FRMD4B: variants seen among roughly 807,000 people sequenced by gnomAD.
FRMD4B encodes FERM domain containing 4B.
In FRMD4B, 74 loss-of-function variants were observed where a neutral mutation model predicts 141.5. The ratio of observed to expected loss-of-function variants is 0.52; its 90% CI spans 0.43 to 0.63. FRMD4B has a LOEUF of 0.63. Among genes scored for constraint, FRMD4B ranks in the 30% least tolerant of loss-of-function variants. The pLI, the probability that FRMD4B is intolerant of heterozygous loss-of-function variation, is 0.00. For missense variants in FRMD4B, 1,366 were observed against 1,253.4 expected (o/e 1.09, Z -1.36); for synonymous variants, 506 against 467.9 (o/e 1.08, Z -1.05).
intron 7 of FRMD4B, among the ~76,000 whole-genome samples, chr3:69,245,664 CTTT>C (rs71115668): frequency 1.1e-4 from 11 of 102,466 alleles, no homozygotes; most frequent in African/African-American, 7.0e-5. Flanking sequence ...ATTTTCTTTT[CTTT>C]TTTTTTTTTT....
intron 5 of FRMD4B, among the ~76,000 whole-genome samples, chr3:69,265,270 ATATAT>A (rs1477379477): frequency 5.9e-4 from 12 of 20,234 alleles, no homozygotes; most frequent in African/African-American, 1.4e-3. Context: ...AAAAAAAAAA[ATATAT>A]ATATATATAT....
intron 1 of FRMD4B, among the ~76,000 whole-genome samples, chr3:69,444,912 T>C (rs969288610): frequency 6.6e-5 from 10 of 152,200 alleles, no homozygotes; most frequent in African/African-American, 2.4e-4. Flanking sequence ...CAAAATCTCA[T>C]ACCACGTGGA....
chr3:69,537,474 T>C (rs187499456), intron 1 of FRMD4B, among the ~76,000 whole-genome samples: 2 of 152,322 alleles, frequency 1.3e-5, no homozygotes, highest in Non-Finnish European at 2.9e-5. Flanking sequence ...TTTCACTAGA[T>C]TAGCATGGCA....
At chr3:69,258,889 G>C (rs2093509174) in intron 5 of FRMD4B, among the ~76,000 whole-genome samples, 1 of 152,132 alleles carries the variant, frequency 6.6e-6, no homozygotes, top group Non-Finnish European at 1.5e-5. Flanking sequence ...AGAAGATAAT[G>C]TTAACTTTAC....
chr3:69,315,810 G>T (rs949764767), intron 1 of FRMD4B, among the ~76,000 whole-genome samples: 1 of 152,186 alleles, frequency 6.6e-6, no homozygotes, highest in Non-Finnish European at 1.5e-5. Flanking sequence ...GAATTGCTAG[G>T]TCACTTTTGA....
At chr3:69,421,604 C>A (rs1704979446) in intron 2 of FRMD4B, among the ~76,000 whole-genome samples, 1 of 152,176 alleles carries the variant, frequency 6.6e-6, no homozygotes, top group Non-Finnish European at 1.5e-5. Context: ...TCTAGATGTG[C>A]CTTGTCCCAT....
intron 4 of FRMD4B, among the ~76,000 whole-genome samples, chr3:69,295,698 A>G (rs1013185926): frequency 3.9e-5 from 6 of 152,186 alleles, no homozygotes; most frequent in Admixed American, 1.3e-4. Context: ...TCCCTACTAC[A>G]AAGAATGGCC....
Position 69,196,878 on chromosome 3 carries a change from A to T in FRMD4B, c.1092+22T>A, listed in dbSNP as rs2092911925. On this transcript the variant is annotated intron_variant, in intron 13 of 22. Coordinates refer to ENST00000398540, the MANE Select transcript of FRMD4B (RefSeq NM_015123.3). Reference sequence around the variant, plus strand: ...ATGCAAAAGGGGAATCTGTCCCTATAGAAATGATGCCAGTTACTTACTTTG... The same window carrying T: ...ATGCAAAAGGGGAATCTGTCCCTATTGAAATGATGCCAGTTACTTACTTTG... 2.5e-6 allele frequency: 4 copies of T among 1,583,872 alleles called. No individual in the cohort carries two copies. The East Asian group carries it at 8.9e-5, about 35-fold the overall frequency.
At chr3:69,442,392 A>G (rs1220701097) in intron 1 of FRMD4B, among the ~76,000 whole-genome samples, 1 of 152,024 alleles carries the variant, frequency 6.6e-6, no homozygotes, top group Non-Finnish European at 1.5e-5. Context: ...AATAAGTTTT[A>G]TTCTATTGAA....
intron 1 of FRMD4B, among the ~76,000 whole-genome samples, chr3:69,443,911 T>G (rs1344926224): frequency 6.6e-6 from 1 of 152,224 alleles, no homozygotes; most frequent in East Asian, 1.9e-4. Flanking sequence ...GCTCACAAGA[T>G]CTGTAACTTC....
At chr3:69,290,562 GCTTT>G (rs1700840474) in intron 4 of FRMD4B, among the ~76,000 whole-genome samples, 1 of 152,108 alleles carries the variant, frequency 6.6e-6, no homozygotes, top group Admixed American at 6.5e-5. Flanking sequence ...TGCTTTCTTG[GCTTT>G]CCCATGCATT....
chr3:69,180,852 C>T (rs574359033), intron 21 of FRMD4B, 47 bp downstream of exon 21: 8 of 1,352,080 alleles, frequency 5.9e-6, no homozygotes, highest in African/African-American at 2.9e-5. Context: ...GCAGGAAACA[C>T]GATGTAAATA....
At chr3:69,186,521 G>A (rs2092769599) in intron 19 of FRMD4B, among the ~76,000 whole-genome samples, 1 of 152,094 alleles carries the variant, frequency 6.6e-6, no homozygotes, top group Admixed American at 6.5e-5. Context: ...AGACCAGCCT[G>A]GCCAACATGG....
chr3:69,273,234 G>C (rs1330862613), intron 5 of FRMD4B, among the ~76,000 whole-genome samples: 1 of 152,176 alleles, frequency 6.6e-6, no homozygotes, highest in African/African-American at 2.4e-5. Flanking sequence ...CTCTCCTGGA[G>C]GCAATCAAAA....
At chr3:69,421,903 C>T (rs768950960) in intron 2 of FRMD4B, among the ~76,000 whole-genome samples, 5 of 152,120 alleles carry the variant, frequency 3.3e-5, no homozygotes, top group South Asian at 2.1e-4. Context: ...TAGGAAACAA[C>T]GCTACTGGAA....
At position 69,187,851 on chromosome 3, in the gene FRMD4B, G is replaced by C; in HGVS notation, c.1838C>G (p.Pro613Arg). The part of the protein sequence containing the change: ...SSVPHSPRIL[P>R]PKSLGIERIH... ...TCGCTCAATACCAAGAGACTTGGGG[G>C]GAAGAATTCTTGGAGAATGAGGTAC... Residue 613 changes from proline (P) to arginine (R), a missense_variant, in exon 19 of 23, where the codon CCC becomes CGC. By Grantham distance (103) the Pro-to-Arg change is moderately radical. Transcript: ENST00000398540. 6.2e-7 allele frequency: 1 copy of C among 1,610,590 alleles called. No homozygotes were observed. Among genetic ancestry groups the C allele is most frequent in the Non-Finnish European group, 8.5e-7 (1 of 1,177,594 alleles).
chr3:69,433,658 A>AT (rs1705214403), intron 1 of FRMD4B, among the ~76,000 whole-genome samples: 1 of 152,210 alleles, frequency 6.6e-6, no homozygotes, highest in Admixed American at 6.5e-5. Flanking sequence ...GAACAAAGTC[A>AT]TTTTTCTAGC....
intron 1 of FRMD4B, among the ~76,000 whole-genome samples, chr3:69,481,333 G>C (rs1038945196): frequency 2.6e-5 from 4 of 152,124 alleles, no homozygotes; most frequent in Middle Eastern, 3.2e-3. Context: ...GACCGGAGCT[G>C]TTCCTATTCG....
chr3:69,178,679 G>GA (rs11294141), intron 21 of FRMD4B, among the ~76,000 whole-genome samples: 258 of 126,990 alleles, frequency 2.0e-3, no homozygotes, highest in African/African-American at 6.7e-3. Context: ...CTTTAAAAAA[G>GA]AAAAAAAAAA....
Sources: gnomAD v4.1 joint callset for allele counts (sites outside exome capture counted in the v4.1 genomes callset) on GRCh38, gnomAD v4.1.1 for gene constraint, MANE v1.5 for transcripts, NCBI Gene and HGNC (gene_info 2026-07-23, HGNC 2026-07-21) for gene names.